Variants in PPM1E observed in about 807,000 individuals in gnomAD.
PPM1E encodes the protein protein phosphatase 1E.
Under a neutral mutation model 65.9 loss-of-function variants are expected in PPM1E, and 20 were observed. The observed-to-expected ratio is 0.30, with a 90% CI of 0.21 to 0.44. The LOEUF (loss-of-function observed/expected upper bound fraction) is 0.44, where lower values mean the gene tolerates loss of function less well. PPM1E is among the 20% of genes least tolerant of loss of function. The pLI is 1.00. For missense variants in PPM1E, 713 were observed against 953.1 expected, an observed-to-expected ratio of 0.75 and a Z score of 3.32; for synonymous variants, 352 against 374.9, an observed-to-expected ratio of 0.94 and a Z score of 0.70.
At chr17:58,878,525 T>G (rs2143377227) in intron 1 of PPM1E, among the ~76,000 whole-genome samples, 1 of 150,896 alleles carries the variant, frequency 6.6e-6, no homozygotes, top group Non-Finnish European at 1.5e-5. Context: ...ATTACAGGCG[T>G]GAGCCACCAC....
Position 58,982,710 on chromosome 17 carries a change from A to G in PPM1E, c.*1679A>G. 2 of 514,678 alleles carry G rather than the reference A, an allele frequency of 3.9e-6. No homozygotes were observed. The highest frequency in any genetic ancestry group is 6.9e-6 in the Non-Finnish European group (2 of 290,224). 31.9% of individuals were successfully genotyped at this position (514,678 alleles called of 1,614,324 possible). A position where few individuals can be genotyped will look rare whatever the true frequency, so the allele number is the denominator to read the frequency against. On this transcript the variant is annotated 3_prime_UTR_variant, in exon 7 of 7. Coordinates refer to ENST00000308249, the MANE Select transcript of PPM1E (RefSeq NM_014906.5). ...TTGGATGTAAGTAGAGACTTTCAGT[A>G]TTTGTTTTCTCTTGATTTTGAAGTC...
At chr17:58,884,001 C>G (rs1354843460) in intron 1 of PPM1E, among the ~76,000 whole-genome samples, 1 of 152,110 alleles carries the variant, frequency 6.6e-6, no homozygotes, top group East Asian at 1.9e-4. Context: ...AAGAGGGCTT[C>G]TGATCTTAGA....
intron 1 of PPM1E, among the ~76,000 whole-genome samples, chr17:58,798,745 G>A (rs1013281982): frequency 2.6e-5 from 4 of 151,678 alleles, no homozygotes; most frequent in African/African-American, 9.7e-5. Context: ...CCAAGCTGGA[G>A]TTCAGTGGCA....
At chr17:58,819,806 G>T (rs182328422) in intron 1 of PPM1E, among the ~76,000 whole-genome samples, 26 of 152,214 alleles carry the variant, frequency 1.7e-4, no homozygotes, top group South Asian at 1.5e-3. Context: ...GGAGACAGAG[G>T]TGGGTGGATC....
chr17:58,916,023 G>T (rs1272243423), intron 1 of PPM1E, among the ~76,000 whole-genome samples: 1 of 151,924 alleles, frequency 6.6e-6, no homozygotes, highest in Non-Finnish European at 1.5e-5. Flanking sequence ...TTTCTTATTT[G>T]TTTGAGACAG....
chr17:58,929,438 A>G (rs2051865023), intron 1 of PPM1E, among the ~76,000 whole-genome samples: 1 of 152,196 alleles, frequency 6.6e-6, no homozygotes, highest in Non-Finnish European at 1.5e-5. Flanking sequence ...GTTTTATTAT[A>G]TGTAAATTTT....
intron 1 of PPM1E, among the ~76,000 whole-genome samples, chr17:58,891,315 G>A (rs967277852): frequency 6.6e-6 from 1 of 151,530 alleles, no homozygotes; most frequent in Non-Finnish European, 1.5e-5. Flanking sequence ...CTCTGCAAAT[G>A]GATTTATTAT....
intron 1 of PPM1E, among the ~76,000 whole-genome samples, chr17:58,890,306 C>T (rs1191261094): frequency 6.6e-6 from 1 of 152,002 alleles, no homozygotes; most frequent in Non-Finnish European, 1.5e-5. Flanking sequence ...TGTGTCAGAA[C>T]ACTAGATAGC....
chr17:58,902,098 A>G (rs1188651148), intron 1 of PPM1E, among the ~76,000 whole-genome samples: 6 of 152,104 alleles, frequency 3.9e-5, no homozygotes, highest in Non-Finnish European at 5.9e-5. Context: ...ATCATACATT[A>G]GTAATAAAGA....
chr17:58,816,781 TATATATATATA>T (rs2050426661), intron 1 of PPM1E, among the ~76,000 whole-genome samples: 14 of 13,352 alleles, frequency 1.0e-3, no homozygotes, highest in South Asian at 5.7e-3. Context: ...TATATATATA[TATATATATATA>T]TATTTTTTTT....
At chr17:58,949,900 T>C (rs1286183622) in intron 1 of PPM1E, among the ~76,000 whole-genome samples, 1 of 152,056 alleles carries the variant, frequency 6.6e-6, no homozygotes, top group Admixed American at 6.6e-5. Context: ...GCTAGCTGAG[T>C]TTTTTTTCTT....
At chr17:58,930,125 G>T (rs987834066) in intron 1 of PPM1E, among the ~76,000 whole-genome samples, 2 of 152,002 alleles carry the variant, frequency 1.3e-5, no homozygotes, top group Non-Finnish European at 1.5e-5. Context: ...GCTGGGCGCG[G>T]TGGCTCATGT....
chr17:58,870,411 G>C (rs1247260193), intron 1 of PPM1E, among the ~76,000 whole-genome samples: 1 of 152,110 alleles, frequency 6.6e-6, no homozygotes, highest in Non-Finnish European at 1.5e-5. Context: ...GTGATGCTGA[G>C]GTTTGTGGGT....
chr17:58,887,162 C>CTTTTTTTTTTTTT (rs71143300), intron 1 of PPM1E, among the ~76,000 whole-genome samples: 1 of 111,700 alleles, frequency 9.0e-6, no homozygotes, highest in Non-Finnish European at 1.8e-5. Flanking sequence ...AGGCCTTCTT[C>CTTTTTTTTTTTTT]TTTTTTTTTT....
chr17:58,918,545 C>A lies in PPM1E; in HGVS notation c.465-37104C>A, dbSNP rs1003313378. Among the ~76,000 whole-genome samples the A allele has an allele frequency of 3.3e-5, 5 of 152,184 alleles. No individual in the cohort carries two copies. The East Asian group carries it at 5.8e-4, about 18-fold the overall frequency. On this transcript the variant is annotated intron_variant, in intron 1 of 6. Transcript: ENST00000308249. ...ATGTGTGCTTTAAAAATACATGCAT[C>A]TTGTAATCCTAGCACTTTGGGAGGC...
chr17:58,943,643 A>T (rs2052104544), intron 1 of PPM1E, among the ~76,000 whole-genome samples: 1 of 152,120 alleles, frequency 6.6e-6, no homozygotes, highest in Non-Finnish European at 1.5e-5. Flanking sequence ...GACCCGCAGC[A>T]TGAGTTCATA....
chr17:58,979,788 G>GAGTAAGC (rs1292685389), intron 6 of PPM1E, among the ~76,000 whole-genome samples, 186 bp from the exon 7 acceptor site: 1 of 152,184 alleles, frequency 6.6e-6, no homozygotes, highest in Non-Finnish European at 1.5e-5. Context: ...TGGGAGTAAG[G>GAGTAAGC]AGTAAGCAGA....
intron 1 of PPM1E, among the ~76,000 whole-genome samples, chr17:58,915,492 T>A (rs895501853): frequency 1.3e-5 from 2 of 152,198 alleles, no homozygotes; most frequent in African/African-American, 4.8e-5. Context: ...TCCTATGGCT[T>A]AGAATGCCTA....
intron 1 of PPM1E, among the ~76,000 whole-genome samples, chr17:58,798,713 A>G (rs758208681): frequency 6.7e-6 from 1 of 150,132 alleles, no homozygotes; most frequent in Non-Finnish European, 1.5e-5. Context: ...TTTTCTTTTG[A>G]GATGGAGTCT....
Sources: allele counts gnomAD v4.1 joint callset (sites outside exome capture counted in the v4.1 genomes callset), GRCh38; gene constraint gnomAD v4.1.1; transcripts MANE v1.5; gene names NCBI Gene and HGNC (gene_info 2026-07-23, HGNC 2026-07-21).